Variants in PCSK2 observed in about 807,000 individuals in gnomAD.
The protein encoded by PCSK2 is proprotein convertase subtilisin/kexin type 2, also known as neuroendocrine convertase 2.
PCSK2 carries 14 observed loss-of-function variants against 69.7 expected under a neutral mutation model. That is an observed-to-expected ratio of 0.20 (90% CI 0.13 to 0.31). The LOEUF (loss-of-function observed/expected upper bound fraction) is 0.31. Ranked by LOEUF, PCSK2 falls within the 10% of genes least tolerant of loss-of-function variation. The probability of loss-of-function intolerance (pLI) is 1.00; values close to 1 mark genes in which losing one functional copy is unlikely to be tolerated. For synonymous variants in PCSK2, 307 were observed against 320.7 expected (o/e 0.96, Z 0.46); for missense variants, 544 against 842.5 (o/e 0.65, Z 4.39).
intron 2 of PCSK2, among the ~76,000 whole-genome samples, chr20:17,290,845 G>C (rs1988671187): frequency 1.3e-5 from 2 of 152,144 alleles, no homozygotes; most frequent in Non-Finnish European, 2.9e-5. Flanking sequence ...GGACCTTCTT[G>C]TGTTAACCCA....
intron 11 of PCSK2, among the ~76,000 whole-genome samples, chr20:17,473,254 T>C (rs1045199104): frequency 2.6e-5 from 4 of 152,072 alleles, no homozygotes; most frequent in Non-Finnish European, 5.9e-5. Flanking sequence ...CCACCATGCC[T>C]GACTAATTTT....
At chr20:17,437,338 G>A (rs1014397153) in intron 8 of PCSK2, among the ~76,000 whole-genome samples, 1 of 152,212 alleles carries the variant, frequency 6.6e-6, no homozygotes, top group African/African-American at 2.4e-5. Context: ...TGGGGCAGGG[G>A]GTCTGAGCAT....
chr20:17,308,842 G>A (rs6080633), intron 2 of PCSK2, among the ~76,000 whole-genome samples: 52,553 of 151,812 alleles, frequency 0.35, 9,591 homozygotes, highest in East Asian at 0.57. Flanking sequence ...AGGCTAGCCC[G>A]GCTTGGTGAC....
At chr20:17,408,763 G>A (rs964056422) in intron 5 of PCSK2, among the ~76,000 whole-genome samples, 1 of 152,128 alleles carries the variant, frequency 6.6e-6, no homozygotes, top group African/African-American at 2.4e-5. Context: ...TTGGGCATGG[G>A]GTTTAAAACC....
At chr20:17,247,755 A>G (rs886777101) in intron 1 of PCSK2, among the ~76,000 whole-genome samples, 7 of 152,364 alleles carry the variant, frequency 4.6e-5, no homozygotes, top group Middle Eastern at 3.4e-3. Context: ...AGATTCCCTA[A>G]GGGAAGAGAA....
At chr20:17,343,950 TG>T (rs1341970039) in intron 2 of PCSK2, among the ~76,000 whole-genome samples, 45 of 152,298 alleles carry the variant, frequency 3.0e-4, no homozygotes, top group Non-Finnish European at 6.6e-4. Flanking sequence ...AATGAATTTG[TG>T]TTGTTTTAAG....
At chr20:17,238,236 C>T (rs1288390338) in intron 1 of PCSK2, among the ~76,000 whole-genome samples, 2 of 152,180 alleles carry the variant, frequency 1.3e-5, no homozygotes, top group East Asian at 3.9e-4. Flanking sequence ...GTTACAGTCA[C>T]TTGATGTGGT....
chr20:17,255,715 A>G (rs543520005), intron 1 of PCSK2, among the ~76,000 whole-genome samples: 2 of 152,044 alleles, frequency 1.3e-5, no homozygotes, highest in Non-Finnish European at 2.9e-5. Flanking sequence ...CTGCATTGGG[A>G]TGTTCATGTG....
intron 5 of PCSK2, among the ~76,000 whole-genome samples, chr20:17,395,857 G>A (rs959159252): frequency 3.9e-5 from 6 of 152,152 alleles, no homozygotes; most frequent in African/African-American, 1.4e-4. Context: ...AGCTATCAGT[G>A]AACTCATCTT....
At chr20:17,349,752 G>A (rs1305350356) in intron 2 of PCSK2, among the ~76,000 whole-genome samples, 3 of 152,136 alleles carry the variant, frequency 2.0e-5, no homozygotes, top group Non-Finnish European at 2.9e-5. Flanking sequence ...TGCTCTTTGG[G>A]TACTTTTGCT....
intron 7 of PCSK2, among the ~76,000 whole-genome samples, chr20:17,430,465 A>G (rs888323370): frequency 6.6e-6 from 1 of 152,124 alleles, no homozygotes; most frequent in Non-Finnish European, 1.5e-5. Context: ...CTGACACTCC[A>G]TTTCCATGGA....
At chr20:17,354,171 A>G (rs2030112966) in intron 2 of PCSK2, among the ~76,000 whole-genome samples, 1 of 152,236 alleles carries the variant, frequency 6.6e-6, no homozygotes. Context: ...TTAAATGTTT[A>G]AAAGATATTC....
intron 1 of PCSK2, among the ~76,000 whole-genome samples, chr20:17,235,766 T>C (rs760624576): frequency 3.3e-5 from 5 of 152,138 alleles, no homozygotes; most frequent in Non-Finnish European, 7.4e-5. Flanking sequence ...CAATTGAATA[T>C]CTTTCCTCTT....
At chr20:17,247,003 C>T (rs552081597) in intron 1 of PCSK2, among the ~76,000 whole-genome samples, 15 of 152,246 alleles carry the variant, frequency 9.9e-5, no homozygotes, top group Admixed American at 8.5e-4. Flanking sequence ...ATCATTTTAC[C>T]TTGCACACAA....
At chr20:17,442,445 C>T (rs1480976840) in intron 8 of PCSK2, among the ~76,000 whole-genome samples, 1 of 152,068 alleles carries the variant, frequency 6.6e-6, no homozygotes, top group East Asian at 1.9e-4. Flanking sequence ...AATGGATCAT[C>T]AAAAAGGAGG....
chr20:17,472,644 A>G (rs943672483), intron 11 of PCSK2, among the ~76,000 whole-genome samples: 43 of 152,006 alleles, frequency 2.8e-4, no homozygotes, highest in African/African-American at 9.6e-4. Flanking sequence ...TTGGCTCACT[A>G]CAACCTCCAC....
intron 11 of PCSK2, among the ~76,000 whole-genome samples, chr20:17,465,813 A>C (rs2123401932): frequency 6.6e-6 from 1 of 152,268 alleles, no homozygotes; most frequent in Admixed American, 6.5e-5. Flanking sequence ...GGCCACAGGC[A>C]TGCGCCACCA....
intron 5 of PCSK2, among the ~76,000 whole-genome samples, chr20:17,373,384 A>C (rs983094128): frequency 1.3e-5 from 2 of 152,130 alleles, no homozygotes; most frequent in East Asian, 3.9e-4. Context: ...TTCGTCAGTC[A>C]TTGGTTGAGG....
intron 2 of PCSK2, among the ~76,000 whole-genome samples, chr20:17,283,488 C>G (rs1406757304): frequency 1.3e-5 from 2 of 152,194 alleles, no homozygotes; most frequent in African/African-American, 4.8e-5. Flanking sequence ...CCAGAAGGAA[C>G]TGTCGAATTT....
Sources: gnomAD v4.1 joint callset for allele counts (sites outside exome capture counted in the v4.1 genomes callset) on GRCh38, gnomAD v4.1.1 for gene constraint, MANE v1.5 for transcripts, NCBI Gene and HGNC (gene_info 2026-07-23, HGNC 2026-07-21) for gene names.